COLEC12: variants seen among roughly 807,000 people sequenced by gnomAD.
COLEC12 encodes collectin subfamily member 12.
COLEC12 carries 33 observed loss-of-function variants against 71.1 expected under a neutral mutation model. That is an observed-to-expected ratio of 0.46 (90% confidence interval 0.35 to 0.62). The LOEUF is 0.62. Among genes scored for constraint, COLEC12 ranks in the 20% least tolerant of loss-of-function variants. The pLI, the probability that COLEC12 is intolerant of heterozygous loss-of-function variation, is 0.00. For missense variants in COLEC12, 765 were observed against 916.1 expected (o/e 0.84, Z 2.13); for synonymous variants, 350 against 353.0 (o/e 0.99, Z 0.10).
intron 8 of COLEC12, among the ~76,000 whole-genome samples, chr18:330,512 T>A (rs568327985): frequency 1.6e-4 from 25 of 152,140 alleles, no homozygotes; most frequent in Non-Finnish European, 1.9e-4. Flanking sequence ...TTAATTTTAT[T>A]TTTTTTATAA....
Position 408,460 on chromosome 18 carries a change from C to T in COLEC12, c.59-50938G>A, listed in dbSNP as rs1915830150. ...TTAGTGGTCTTTTCAATCATGATAA[C>T]AAAAACTCCTGTGGTTCATAAACAG... On this transcript the variant is annotated intron_variant, in intron 2 of 9. Coordinates refer to ENST00000400256, the MANE Select transcript of COLEC12 (RefSeq NM_130386.3). The surrounding 1 kb of genome is among the most constrained non-coding windows in gnomAD (Gnocchi z 4.3). Among the ~76,000 whole-genome samples the T allele has an allele frequency of 6.6e-6, 1 of 151,686 alleles. No homozygotes were observed. Among genetic ancestry groups the T allele is most frequent in the Non-Finnish European group, 1.5e-5 (1 of 67,946 alleles).
chr18:353,217 T>C (rs528301503), intron 3 of COLEC12, among the ~76,000 whole-genome samples: 8 of 152,262 alleles, frequency 5.3e-5, no homozygotes, highest in Non-Finnish European at 1.0e-4. Flanking sequence ...TTGATTCCAC[T>C]GCACACCAAC....
chr18:322,686 T>A (rs1213101214), intron 8 of COLEC12, among the ~76,000 whole-genome samples: 2 of 152,194 alleles, frequency 1.3e-5, no homozygotes, highest in African/African-American at 4.8e-5. Flanking sequence ...GCCTGCCTCA[T>A]GTGGAGGGTC....
chr18:394,453 T>C (rs944201243), intron 2 of COLEC12, among the ~76,000 whole-genome samples: 2 of 152,226 alleles, frequency 1.3e-5, no homozygotes, highest in African/African-American at 2.4e-5. Flanking sequence ...AAAATATCCA[T>C]TGGGTGATGT....
intron 2 of COLEC12, among the ~76,000 whole-genome samples, chr18:382,596 A>G (rs565835784): frequency 2.0e-5 from 3 of 152,206 alleles, no homozygotes; most frequent in Admixed American, 6.5e-5. Context: ...TGGACACTCC[A>G]CTTATTAGCA....
In COLEC12 at chr18:352,510, A is replaced by C. The variant is rs1488226610; in HGVS notation, c.182-4347T>G. 2.6e-5 allele frequency among the ~76,000 whole-genome samples: 4 copies of C among 152,356 alleles called. No individual in the cohort carries two copies. In the East Asian group the frequency reaches 7.7e-4, roughly 29 times the overall value. Reference sequence around the variant, plus strand: ...AAAAGGGATAAATACATTCATTAAAAAAAAGAACAAAAAAAATCTGTCGAC... The same window carrying C: ...AAAAGGGATAAATACATTCATTAAACAAAAGAACAAAAAAAATCTGTCGAC... On this transcript the variant is annotated intron_variant, in intron 3 of 9. Coordinates refer to ENST00000400256, the MANE Select transcript of COLEC12 (RefSeq NM_130386.3).
chr18:483,710 A>G (rs751592363), intron 1 of COLEC12, among the ~76,000 whole-genome samples: 22 of 152,154 alleles, frequency 1.4e-4, no homozygotes, highest in Non-Finnish European at 2.4e-4. Flanking sequence ...TTTACTTACT[A>G]ATCTGTCCTA....
chr18:347,283 T>A lies in COLEC12; in HGVS notation c.339A>T (p.Ser113=). The A allele has an allele frequency of 6.2e-7, 1 of 1,614,200 alleles. No individual in the cohort carries two copies. The highest frequency in any genetic ancestry group is 8.5e-7 in the Non-Finnish European group (1 of 1,180,024). ...GTTGCTGACGGAGATCTAGAATGTC[T>A]GATCTGAAGGTGGAGAGTTCTGAGT... ...STNSELSTFR[S]DILDLRQQLR... Residue 113 remains serine (S), a synonymous_variant, in exon 5 of 10, where the codon TCA becomes TCT. Transcript: ENST00000400256.
At chr18:495,337 A>G (rs1917689948) in intron 1 of COLEC12, among the ~76,000 whole-genome samples, 1 of 152,224 alleles carries the variant, frequency 6.6e-6, no homozygotes, top group Admixed American at 6.5e-5. Flanking sequence ...ACTTAGTAGT[A>G]TCATTATTTT....
intron 2 of COLEC12, among the ~76,000 whole-genome samples, chr18:386,988 T>A (rs1483617027): frequency 6.6e-6 from 1 of 152,170 alleles, no homozygotes; most frequent in East Asian, 1.9e-4. Context: ...CGCTACCATA[T>A]CTGCTGAAGG....
intron 2 of COLEC12, among the ~76,000 whole-genome samples, chr18:441,269 T>A: frequency 6.6e-6 from 1 of 151,572 alleles, no homozygotes; most frequent in East Asian, 1.9e-4. Flanking sequence ...AAATAAATAA[T>A]AATAAAAAAA....
chr18:490,042 C>T (rs1172388008), intron 1 of COLEC12, among the ~76,000 whole-genome samples: 4 of 152,216 alleles, frequency 2.6e-5, no homozygotes, highest in African/African-American at 7.2e-5. Context: ...CCATGACCTG[C>T]TCTGTCCCAT....
At chr18:336,905 G>A (rs1426344617) in intron 5 of COLEC12, among the ~76,000 whole-genome samples, 1 of 152,076 alleles carries the variant, frequency 6.6e-6, no homozygotes, top group Non-Finnish European at 1.5e-5. Context: ...ACCCAGGCTG[G>A]AGGAGAGTGG....
intron 2 of COLEC12, among the ~76,000 whole-genome samples, chr18:467,299 C>G (rs1598374417): frequency 6.6e-6 from 1 of 152,274 alleles, no homozygotes; most frequent in South Asian, 2.1e-4. Flanking sequence ...CTTTACAGAA[C>G]CACTCTCTTG....
intron 2 of COLEC12, among the ~76,000 whole-genome samples, chr18:453,664 C>T (rs568815810): frequency 1.3e-5 from 2 of 152,218 alleles, no homozygotes; most frequent in African/African-American, 4.8e-5. Flanking sequence ...GGGCTCTATG[C>T]TAAAGACTCC....
intron 2 of COLEC12, among the ~76,000 whole-genome samples, chr18:367,991 C>T (rs987080770): frequency 1.3e-5 from 2 of 152,014 alleles, no homozygotes; most frequent in African/African-American, 4.8e-5. Flanking sequence ...TTTCATGGGG[C>T]AGACAGCTAT....
At chr18:423,464 C>T (rs1916137793) in intron 2 of COLEC12, among the ~76,000 whole-genome samples, 1 of 151,930 alleles carries the variant, frequency 6.6e-6, no homozygotes, top group Non-Finnish European at 1.5e-5. Flanking sequence ...CCTCAAAAAT[C>T]CTTTTGGTTA....
intron 2 of COLEC12, among the ~76,000 whole-genome samples, chr18:456,720 A>T (rs796976518): frequency 7.2e-5 from 11 of 152,336 alleles, no homozygotes; most frequent in African/African-American, 2.6e-4. Context: ...TTCTCCAACA[A>T]AGAGCAGCCC....
intron 6 of COLEC12, chr18:333,614 T>C (rs1428393140): frequency 6.5e-6 from 1 of 152,880 alleles, no homozygotes; most frequent in African/African-American, 2.4e-5. Flanking sequence ...ATAGGCTTGG[T>C]TGCTAACCAA....
Sources: gnomAD v4.1 joint callset for allele counts (sites outside exome capture counted in the v4.1 genomes callset) on GRCh38, gnomAD v4.1.1 for gene constraint, Gnocchi (gnomAD v3.1) non-coding constraint, MANE v1.5 for transcripts, NCBI Gene and HGNC (gene_info 2026-07-23, HGNC 2026-07-21) for gene names.